The following LRRC7 variants were observed in gnomAD, a reference collection of about 807,000 sequenced individuals.
LRRC7 encodes the protein leucine-rich repeat-containing protein 7.
Under a neutral mutation model 175.7 loss-of-function variants are expected in LRRC7, and 23 were observed. The observed-to-expected ratio is 0.13, with a 90% CI of 0.09 to 0.19. The LOEUF is 0.19. LRRC7 is among the 10% of genes least tolerant of loss of function. The pLI is 1.00. For missense variants in LRRC7, 1,354 were observed against 1,904.7 expected (o/e 0.71, Z 5.38); for synonymous variants, 685 against 680.9 (o/e 1.01, Z -0.09).
At chr1:69,910,889 G>T (rs757425574) in intron 7 of LRRC7, among the ~76,000 whole-genome samples, 13 of 152,316 alleles carry the variant, frequency 8.5e-5, no homozygotes, top group African/African-American at 3.1e-4. Context: ...GCCTAATCAA[G>T]CCTGGGCAAT....
chr1:69,675,138 A>G (rs1243856650), intron 1 of LRRC7, among the ~76,000 whole-genome samples: 1 of 152,176 alleles, frequency 6.6e-6, no homozygotes, highest in East Asian at 1.9e-4. Flanking sequence ...GGAACATTAC[A>G]TTTAAGCCAT....
chr1:70,058,378 A>G (rs1157703418), intron 23 of LRRC7, among the ~76,000 whole-genome samples: 2 of 152,190 alleles, frequency 1.3e-5, no homozygotes, highest in African/African-American at 4.8e-5. Flanking sequence ...AACATTTTAT[A>G]GCTATGTAAA....
intron 2 of LRRC7, among the ~76,000 whole-genome samples, chr1:69,727,579 C>T (rs1667111676): frequency 1.3e-5 from 2 of 152,122 alleles, no homozygotes; most frequent in Non-Finnish European, 2.9e-5. Flanking sequence ...CCCATTAATA[C>T]TTATGTGTAA....
intron 26 of LRRC7, among the ~76,000 whole-genome samples, chr1:70,120,844 A>C (rs1290362002): frequency 6.6e-6 from 1 of 152,016 alleles, no homozygotes; most frequent in Non-Finnish European, 1.5e-5. Context: ...AGTTGCCAAG[A>C]TTTATTTCTA....
intron 8 of LRRC7, among the ~76,000 whole-genome samples, chr1:69,956,586 A>G (rs1570796229): frequency 1.3e-5 from 2 of 151,892 alleles, no homozygotes; most frequent in African/African-American, 4.8e-5. Flanking sequence ...TATATTATTT[A>G]TGTAGGATAT....
At chr1:69,928,566 G>A (rs533739760) in intron 7 of LRRC7, among the ~76,000 whole-genome samples, 2 of 152,334 alleles carry the variant, frequency 1.3e-5, no homozygotes, top group Non-Finnish European at 2.9e-5. Flanking sequence ...TCAGACTGCT[G>A]TGCTAGCAAT....
chr1:69,933,743 G>T (rs1647637746), intron 8 of LRRC7, among the ~76,000 whole-genome samples: 1 of 152,126 alleles, frequency 6.6e-6, no homozygotes, highest in African/African-American at 2.4e-5. Context: ...TTACTGTAAA[G>T]ATTTGGGTCA....
chr1:70,115,206 C>T (rs1415807052), intron 26 of LRRC7, among the ~76,000 whole-genome samples: 1 of 152,132 alleles, frequency 6.6e-6, no homozygotes, highest in Non-Finnish European at 1.5e-5. Flanking sequence ...AATAATTATC[C>T]TTGACTACAA....
chr1:69,885,872 G>A (rs1687134909), intron 7 of LRRC7, among the ~76,000 whole-genome samples: 1 of 120,110 alleles, frequency 8.3e-6, no homozygotes. Context: ...ATTTCGTTAT[G>A]TATCCAGTAG....
intron 1 of LRRC7, among the ~76,000 whole-genome samples, chr1:69,639,135 A>C (rs2100419538): frequency 6.6e-6 from 1 of 151,940 alleles, no homozygotes; most frequent in South Asian, 2.1e-4. Flanking sequence ...AGACTAATTT[A>C]ATGACAGGTA....
At chr1:70,114,823 C>A (rs1469407257) in intron 26 of LRRC7, among the ~76,000 whole-genome samples, 1 of 151,796 alleles carries the variant, frequency 6.6e-6, no homozygotes, top group East Asian at 1.9e-4. Flanking sequence ...TTTTGAAAAT[C>A]AAAAAATATT....
intron 1 of LRRC7, among the ~76,000 whole-genome samples, chr1:69,636,606 T>G (rs1456403875): frequency 3.3e-5 from 5 of 151,966 alleles, no homozygotes; most frequent in East Asian, 1.9e-4. Context: ...ATTTATTTTG[T>G]TTTTGGCTAT....
intron 15 of LRRC7, among the ~76,000 whole-genome samples, chr1:70,020,624 A>G (rs112381008): frequency 0.01 from 1,525 of 152,176 alleles, 24 homozygotes; most frequent in African/African-American, 0.035. Flanking sequence ...CTTAAAACTC[A>G]TTAGTAAAGT....
intron 7 of LRRC7, among the ~76,000 whole-genome samples, chr1:69,925,009 A>G (rs1647018111): frequency 6.6e-6 from 1 of 152,182 alleles, no homozygotes; most frequent in Non-Finnish European, 1.5e-5. Flanking sequence ...TTTAGCATGA[A>G]GGGTTGTTGA....
chr1:70,076,249 G>C lies in LRRC7; in HGVS notation c.4403G>C (p.Cys1468Ser). The C allele has an allele frequency of 6.2e-7, 1 of 1,614,072 alleles. No homozygotes were observed. Residue 1468 changes from cysteine to serine, a missense_variant, in exon 24 of 27, where the codon TGC becomes TCC. Cys to Ser is a moderately radical substitution (Grantham distance 112). Coordinates refer to ENST00000651989, the MANE Select transcript of LRRC7 (RefSeq NM_001370785.2). ...QATRGPQPGRCLIQTKGQRSM... is the reference protein window; with the variant it reads ...QATRGPQPGRSLIQTKGQRSM... ...ACCCGGGGACCTCAGCCTGGACGGT[G>C]CTTAATTCAAACTAAAGGGCAAAGG... is the stretch of plus-strand genomic sequence containing the variant.
chr1:70,127,228 A>G lies in LRRC7; in HGVS notation c.*5341A>G, dbSNP rs1289076732. Among the ~76,000 whole-genome samples, 1 of 152,148 alleles carries G rather than the reference A, an allele frequency of 6.6e-6. No individual in the cohort carries two copies. The highest frequency in any genetic ancestry group is 1.5e-5 in the Non-Finnish European group (1 of 68,030). Reference sequence around the variant, plus strand: ...AATGTTGGGTTTTGCTGTGTTGAGGAACTTTCTCTAAGCCTCTCAGCTTCT... The same window carrying G: ...AATGTTGGGTTTTGCTGTGTTGAGGGACTTTCTCTAAGCCTCTCAGCTTCT... On this transcript the variant is annotated 3_prime_UTR_variant, in exon 27 of 27. Coordinates refer to ENST00000651989, the MANE Select transcript of LRRC7 (RefSeq NM_001370785.2).
intron 7 of LRRC7, among the ~76,000 whole-genome samples, chr1:69,878,338 A>G (rs1318959608): frequency 1.3e-5 from 2 of 152,094 alleles, no homozygotes; most frequent in Admixed American, 6.5e-5. Context: ...CATTTAAAAC[A>G]TAAAGGGGCA....
chr1:69,858,524 CTT>C (rs928073148), intron 7 of LRRC7, among the ~76,000 whole-genome samples: 2 of 151,614 alleles, frequency 1.3e-5, no homozygotes, highest in Admixed American at 6.6e-5. Flanking sequence ...TAGAAGGTCT[CTT>C]TCTCTTTTTC....
At chr1:69,571,200 T>A (rs1645725976) in intron 1 of LRRC7, among the ~76,000 whole-genome samples, 1 of 152,240 alleles carries the variant, frequency 6.6e-6, no homozygotes, top group Admixed American at 6.5e-5. Flanking sequence ...ACATAAATTC[T>A]ACATCACTTG....
Sources: gnomAD v4.1 joint callset for allele counts (sites outside exome capture counted in the v4.1 genomes callset) on GRCh38, gnomAD v4.1.1 for gene constraint, MANE v1.5 for transcripts, NCBI Gene and HGNC (gene_info 2026-07-23, HGNC 2026-07-21) for gene names.